Variants in SVIL observed in about 807,000 individuals in gnomAD.
SVIL encodes supervillin.
In SVIL, 101 loss-of-function variants were observed where a neutral mutation model predicts 240.4. That is an observed-to-expected ratio of 0.42 (90% CI 0.36 to 0.50). The LOEUF is 0.50. Ranked by LOEUF, SVIL falls within the 20% of genes least tolerant of loss-of-function variation. The probability of loss-of-function intolerance (pLI) is 0.01; values close to 1 mark genes in which losing one functional copy is unlikely to be tolerated. For synonymous variants in SVIL, 999 were observed against 1,100.0 expected (o/e 0.91, Z 1.82); for missense variants, 2,512 against 2,818.7 (o/e 0.89, Z 2.46).
chr10:29,566,954 A>G (rs984413839), intron 2 of SVIL, among the ~76,000 whole-genome samples: 13 of 152,206 alleles, frequency 8.5e-5, no homozygotes, highest in African/African-American at 2.9e-4. Context: ...CCTGTGTTTC[A>G]GTAGGGAAGC....
intron 3 of SVIL, among the ~76,000 whole-genome samples, chr10:29,648,169 C>T (rs1958726667): frequency 6.6e-6 from 1 of 152,192 alleles, no homozygotes; most frequent in African/African-American, 2.4e-5. Flanking sequence ...ATCTCACAGG[C>T]ATCTACCCAA....
chr10:29,663,612 T>A (rs1383483323), intron 2 of SVIL, among the ~76,000 whole-genome samples: 2 of 152,228 alleles, frequency 1.3e-5, no homozygotes, highest in East Asian at 3.8e-4. Context: ...CTGCTTGGCC[T>A]CCCAAAGTGC....
chr10:29,530,132 T>C lies in SVIL; in HGVS notation c.2107-288A>G, dbSNP rs113963053. ...GAGGCTGCAGTGAGCTATGATCACA[T>C]TGCTGCACTCAACCCTGAGTGAGAG... On this transcript the variant is annotated intron_variant, in intron 11 of 37. Coordinates refer to ENST00000355867, the MANE Select transcript of SVIL (RefSeq NM_021738.3). 1.9e-3 allele frequency among the ~76,000 whole-genome samples: 284 copies of C among 152,224 alleles called. 2 individuals are homozygous for C. Among genetic ancestry groups the C allele is most frequent in the African/African-American group, 6.6e-3 (276 of 41,536 alleles).
At position 29,700,540 on chromosome 10, in the gene SVIL, A is replaced by G. The variant is rs548617032; in HGVS notation, c.-399-13889T>C. On this transcript the variant is annotated intron_variant, in intron 1 of 35. Coordinates refer to the SVIL transcript ENST00000375400. ...GCCTGGAGTGCAGTAGTGCGATCTC[A>G]GCTCACTGCAAGCTCCGCCTCCCGG... 2.9e-5 allele frequency among the ~76,000 whole-genome samples: 4 copies of G among 135,702 alleles called. No homozygotes were observed. In the Admixed American group the frequency reaches 3.6e-4, roughly 12 times the overall value. The allele number at this position is 135,702 out of a possible 152,430, so 89.0% of individuals were successfully genotyped here.
intron 2 of SVIL, among the ~76,000 whole-genome samples, chr10:29,663,594 G>A (rs1007008412): frequency 2.0e-5 from 3 of 152,162 alleles, no homozygotes; most frequent in Non-Finnish European, 2.9e-5. Flanking sequence ...GACCTCAAGT[G>A]ATCTGCCCTG....
chr10:29,596,403 T>C (rs1589350638), intron 1 of SVIL, among the ~76,000 whole-genome samples: 1 of 151,668 alleles, frequency 6.6e-6, no homozygotes, highest in African/African-American at 2.4e-5. Context: ...AGCCCAGGAG[T>C]TCAAGGCTGC....
intron 1 of SVIL, chr10:29,575,319 A>G (rs1589301764): frequency 4.7e-6 from 1 of 213,696 alleles, no homozygotes; most frequent in Non-Finnish European, 1.0e-5. Flanking sequence ...CCAATGCTGA[A>G]TTATTATCTT....
intron 1 of SVIL, among the ~76,000 whole-genome samples, chr10:29,599,870 G>A (rs114847796): frequency 1.0e-3 from 156 of 152,132 alleles, no homozygotes; most frequent in African/African-American, 3.5e-3. Context: ...TAAGTAGAAC[G>A]TTATTAATGA....
chr10:29,534,300 T>C (rs1246005589), intron 7 of SVIL, among the ~76,000 whole-genome samples: 4 of 152,146 alleles, frequency 2.6e-5, no homozygotes, highest in Admixed American at 2.0e-4. Context: ...GCCAGGAGTT[T>C]GAGACCAGTT....
chr10:29,716,267 TTTAA>T (rs1179344616), intron 1 of SVIL, among the ~76,000 whole-genome samples: 5 of 152,352 alleles, frequency 3.3e-5, no homozygotes, highest in Admixed American at 1.3e-4. Context: ...AAATACTTGT[TTTAA>T]TTAAGATATA....
chr10:29,582,376 C>T (rs1351840270), intron 1 of SVIL, among the ~76,000 whole-genome samples: 3 of 152,112 alleles, frequency 2.0e-5, no homozygotes, highest in South Asian at 2.1e-4. Flanking sequence ...ACGCCAAGGA[C>T]GATTCTGACC....
intron 6 of SVIL, among the ~76,000 whole-genome samples, chr10:29,547,209 T>A (rs1398587216): frequency 2.0e-5 from 3 of 152,198 alleles, no homozygotes; most frequent in African/African-American, 7.2e-5. Flanking sequence ...CCACTGTAAA[T>A]CAATCTTTAC....
In SVIL at chr10:29,481,797, A is replaced by C; in HGVS notation, c.4956-69T>G. On this transcript the variant is annotated intron_variant, in intron 27 of 37. Coordinates refer to ENST00000355867, the MANE Select transcript of SVIL (RefSeq NM_021738.3). ...CCAAGATGAAGCCAAGCTTAAACAA[A>C]GGAATCTAAAACACATGCGGCTGCT... The C allele has an allele frequency of 3.9e-6, 6 of 1,544,198 alleles. No homozygotes were observed. In the South Asian group the frequency reaches 4.8e-5, roughly 12 times the overall value.
chr10:29,694,820 T>C lies in SVIL; in HGVS notation c.-399-8169A>G, dbSNP rs79703315. Among the ~76,000 whole-genome samples, 35 of 152,288 alleles carry C rather than the reference T, an allele frequency of 2.3e-4. No individual in the cohort carries two copies. The East Asian group carries it at 6.6e-3, about 29-fold the overall frequency. ...AAACTAAGGAAGAACTTGGAATTTATAGGAAAGCTCAAGGTGAGAGATTCA... is the reference window on the plus strand; with the variant it reads ...AAACTAAGGAAGAACTTGGAATTTACAGGAAAGCTCAAGGTGAGAGATTCA... On this transcript the variant is annotated intron_variant, in intron 1 of 35. Coordinates refer to the SVIL transcript ENST00000375400.
chr10:29,539,336 A>G (rs1382119744), intron 6 of SVIL, among the ~76,000 whole-genome samples: 1 of 152,152 alleles, frequency 6.6e-6, no homozygotes, highest in Non-Finnish European at 1.5e-5. Flanking sequence ...AAGACATAAT[A>G]CTTATGGAGA....
intron 1 of SVIL, among the ~76,000 whole-genome samples, chr10:29,592,799 A>C (rs1956439760): frequency 6.6e-6 from 1 of 152,210 alleles, no homozygotes; most frequent in African/African-American, 2.4e-5. Context: ...ACAAAATTCA[A>C]ATCATTCATC....
intron 18 of SVIL, among the ~76,000 whole-genome samples, chr10:29,498,379 T>C (rs977035679): frequency 2.0e-5 from 3 of 151,356 alleles, no homozygotes; most frequent in East Asian, 4.0e-4. Context: ...GATCACACCA[T>C]TGCACTCCAG....
At chr10:29,707,586 G>A (rs1038412481) in intron 1 of SVIL, among the ~76,000 whole-genome samples, 3 of 152,072 alleles carry the variant, frequency 2.0e-5, no homozygotes, top group Admixed American at 6.6e-5. Flanking sequence ...AGATATCTGT[G>A]GTAGCAGTGG....
chr10:29,479,382 C>T (rs1225481132), intron 29 of SVIL, among the ~76,000 whole-genome samples: 1 of 152,118 alleles, frequency 6.6e-6, no homozygotes, highest in Admixed American at 6.5e-5. Flanking sequence ...AAATTAGCAC[C>T]ACAACAGAAA....
Sources: gnomAD v4.1 joint callset for allele counts (sites outside exome capture counted in the v4.1 genomes callset) on GRCh38, gnomAD v4.1.1 for gene constraint, MANE v1.5 for transcripts, NCBI Gene and HGNC (gene_info 2026-07-23, HGNC 2026-07-21) for gene names.